The following NCKAP5 variants were observed in gnomAD, a reference collection of about 807,000 sequenced individuals.
NCKAP5 encodes nck-associated protein 5.
NCKAP5 carries 92 observed loss-of-function variants against 167.0 expected under a neutral mutation model. The ratio of observed to expected loss-of-function variants is 0.55; its 90% CI spans 0.47 to 0.66. The LOEUF (loss-of-function observed/expected upper bound fraction) is 0.66, where lower values mean the gene tolerates loss of function less well. Among genes scored for constraint, NCKAP5 ranks in the 30% least tolerant of loss-of-function variants. The pLI, the probability that NCKAP5 is intolerant of heterozygous loss-of-function variation, is 0.00. For synonymous variants in NCKAP5, 891 were observed against 877.4 expected (o/e 1.02, Z -0.27); for missense variants, 2,378 against 2,315.0 (o/e 1.03, Z -0.56).
chr2:132,984,273 T>C (rs2077223678), intron 7 of NCKAP5, among the ~76,000 whole-genome samples: 1 of 152,174 alleles, frequency 6.6e-6, no homozygotes, highest in Non-Finnish European at 1.5e-5. Flanking sequence ...TATGGAACTG[T>C]TCTGGGTTGA....
intron 17 of NCKAP5, 113 bp from the exon 18 acceptor site, chr2:132,729,065 T>TG (rs1558979407): frequency 1.4e-6 from 2 of 1,412,774 alleles, no homozygotes; most frequent in Non-Finnish European, 1.9e-6. Flanking sequence ...CCAAATACAG[T>TG]GAAAGCTGGG....
chr2:132,698,620 G>T (rs1046809260), intron 19 of NCKAP5, among the ~76,000 whole-genome samples: 1 of 152,098 alleles, frequency 6.6e-6, no homozygotes, highest in Non-Finnish European at 1.5e-5. Flanking sequence ...AGATCACAAG[G>T]TCAGGAGATC....
At chr2:133,044,769 T>C (rs1029657375) in intron 6 of NCKAP5, among the ~76,000 whole-genome samples, 1 of 152,288 alleles carries the variant, frequency 6.6e-6, no homozygotes, top group South Asian at 2.1e-4. Flanking sequence ...TAAGGAGACA[T>C]GACCAAGACA....
chr2:133,648,036 G>A, the NCKAP5 span, among the ~76,000 whole-genome samples: 5 of 152,120 alleles, frequency 3.3e-5, no homozygotes, highest in Non-Finnish European at 5.9e-5. Flanking sequence ...AAAGTCAAAT[G>A]ATGGAAAAAG....
At chr2:133,069,188 T>C (rs894080068) in intron 6 of NCKAP5, among the ~76,000 whole-genome samples, 6 of 152,030 alleles carry the variant, frequency 3.9e-5, no homozygotes, top group African/African-American at 1.4e-4. Context: ...AAATAGAAAA[T>C]AACGTACAAA....
chr2:133,135,123 C>T (rs575825333), intron 5 of NCKAP5, among the ~76,000 whole-genome samples: 4 of 152,246 alleles, frequency 2.6e-5, no homozygotes, highest in East Asian at 3.9e-4. Context: ...CAGATAAATA[C>T]GGCAGTATAA....
chr2:133,248,310 C>T (rs1055823665), intron 4 of NCKAP5, among the ~76,000 whole-genome samples: 58 of 152,332 alleles, frequency 3.8e-4, no homozygotes, highest in Admixed American at 3.1e-3. Flanking sequence ...TTCCACTTCC[C>T]GCCCTATGCT....
chr2:132,784,113 C>T lies in NCKAP5; in HGVS notation c.2698G>A (p.Ala900Thr), dbSNP rs774183431. Residue 900 changes from alanine to threonine, a missense_variant, in exon 14 of 20, where the codon GCC becomes ACC. Around this residue, in one of 3 missense-constraint regions of NCKAP5, gnomAD observed 1,325 missense variants for 1,274.5 expected, o/e 1.04. Coordinates refer to ENST00000409261, the MANE Select transcript of NCKAP5 (RefSeq NM_207363.3). Reference sequence around the variant, plus strand: ...TCTCCACTGTCACTAGACTCAATGGCAGGCCTTGACCGTGACCCTGGAGTC... The same window carrying T: ...TCTCCACTGTCACTAGACTCAATGGTAGGCCTTGACCGTGACCCTGGAGTC... ...SQTPGSRSRPAIESSDSGEPP... is the reference protein window; with the variant it reads ...SQTPGSRSRPTIESSDSGEPP... 3.9e-6 allele frequency: 6 copies of T among 1,520,934 alleles called. No individual in the cohort carries two copies. The highest frequency in any genetic ancestry group is 4.4e-6 in the Non-Finnish European group (5 of 1,136,482). The allele number at this position is 1,520,934 out of a possible 1,614,324, so 94.2% of individuals were successfully genotyped here.
chr2:133,604,871 T>G, the NCKAP5 span, among the ~76,000 whole-genome samples: 4 of 152,152 alleles, frequency 2.6e-5, no homozygotes, highest in African/African-American at 9.7e-5. Context: ...AACAGGAATG[T>G]GGGAGTAGCA....
chr2:133,651,038 T>C, the NCKAP5 span, among the ~76,000 whole-genome samples: 1 of 152,180 alleles, frequency 6.6e-6, no homozygotes, highest in East Asian at 1.9e-4. Flanking sequence ...TTAAAATGGA[T>C]TGAAGACTGA....
chr2:132,969,772 A>G (rs1485869394), intron 7 of NCKAP5, among the ~76,000 whole-genome samples: 1 of 152,140 alleles, frequency 6.6e-6, no homozygotes, highest in African/African-American at 2.4e-5. Flanking sequence ...ATGTAACGCC[A>G]CCCAGGACCA....
At chr2:133,359,811 A>C (rs1684977516) in intron 3 of NCKAP5, among the ~76,000 whole-genome samples, 1 of 152,236 alleles carries the variant, frequency 6.6e-6, no homozygotes, top group Non-Finnish European at 1.5e-5. Context: ...ATAACTTGAA[A>C]ATGTAATTTT....
chr2:133,328,353 T>C (rs1682599184), intron 3 of NCKAP5, among the ~76,000 whole-genome samples: 1 of 152,176 alleles, frequency 6.6e-6, no homozygotes, highest in South Asian at 2.1e-4. Context: ...AGAGTTGACA[T>C]AGACTGGGAT....
chr2:132,942,801 C>A (rs1056980722), intron 8 of NCKAP5, among the ~76,000 whole-genome samples: 1 of 152,224 alleles, frequency 6.6e-6, no homozygotes, highest in Non-Finnish European at 1.5e-5. Context: ...TAGCAAAGTT[C>A]ACCAGGCCAA....
chr2:133,619,068 C>G, the NCKAP5 span, among the ~76,000 whole-genome samples: 1 of 133,558 alleles, frequency 7.5e-6, no homozygotes, highest in African/African-American at 2.7e-5. Context: ...AAAAACCAAA[C>G]ACCGCATATT....
At chr2:133,508,320 C>A (rs1683198739) in intron 3 of NCKAP5, among the ~76,000 whole-genome samples, 1 of 152,186 alleles carries the variant, frequency 6.6e-6, no homozygotes, top group Non-Finnish European at 1.5e-5. Context: ...TATGACAGCC[C>A]TCCTCCTTGG....
rs146146004 is a variant in NCKAP5 at position 133,279,355 on chromosome 2, T to C, written c.143+23682A>G. Among the ~76,000 whole-genome samples the C allele has an allele frequency of 6.3e-3, 957 of 152,316 alleles. 14 individuals carry two copies. The highest frequency in any genetic ancestry group is 0.021 in the African/African-American group (891 of 41,568). On this transcript the variant is annotated intron_variant, in intron 4 of 19. Transcript: ENST00000409261. Reference sequence around the variant, plus strand: ...TACAATTCAGATTTGCAGTCCTTCATTGGGCTTCTACACCACTCTCTGCAT... The same window carrying C: ...TACAATTCAGATTTGCAGTCCTTCACTGGGCTTCTACACCACTCTCTGCAT...
At position 133,421,995 on chromosome 2, in the gene NCKAP5, T is replaced by G. The variant is rs193251680; in HGVS notation, c.69+95463A>C. On this transcript the variant is annotated intron_variant, in intron 3 of 19. Coordinates refer to ENST00000409261, the MANE Select transcript of NCKAP5 (RefSeq NM_207363.3). ...ACTCAGCACCTACTGCATTTGGCATTGGGGATAGAGAACTGAAAGATCCAC... is the reference window on the plus strand; with the variant it reads ...ACTCAGCACCTACTGCATTTGGCATGGGGGATAGAGAACTGAAAGATCCAC... 2.3e-3 allele frequency among the ~76,000 whole-genome samples: 348 copies of G among 152,366 alleles called. 2 individuals carry two copies. Among genetic ancestry groups the G allele is most frequent in the African/African-American group, 7.5e-3 (313 of 41,588 alleles).
intron 5 of NCKAP5, among the ~76,000 whole-genome samples, chr2:133,200,180 C>T (rs1257418201): frequency 6.7e-6 from 1 of 148,280 alleles, no homozygotes; most frequent in African/African-American, 2.5e-5. Flanking sequence ...ACACACACTT[C>T]TCAATTCCCT....
Sources: gnomAD v4.1 joint callset for allele counts (sites outside exome capture counted in the v4.1 genomes callset) on GRCh38, gnomAD v4.1.1 for gene constraint, gnomAD v4.1.1 regional missense constraint, MANE v1.5 for transcripts, NCBI Gene and HGNC (gene_info 2026-07-23, HGNC 2026-07-21) for gene names.